The following GRM7 variants were observed in gnomAD, a reference collection of about 807,000 sequenced individuals.
GRM7 encodes the protein metabotropic glutamate receptor 7.
A neutral mutation model predicts 84.5 loss-of-function variants in GRM7; 35 were observed. The observed-to-expected ratio is 0.41, with a 90% confidence interval of 0.32 to 0.55. The LOEUF (loss-of-function observed/expected upper bound fraction) is 0.55. GRM7 is among the 20% of genes least tolerant of loss of function. The probability of loss-of-function intolerance (pLI) is 0.19; values close to 1 mark genes in which losing one functional copy is unlikely to be tolerated. For missense variants in GRM7, 1,003 were observed against 1,194.6 expected, an observed-to-expected ratio of 0.84 and a Z score of 2.36; for synonymous variants, 487 against 455.1, an observed-to-expected ratio of 1.07 and a Z score of -0.89.
At chr3:7,567,354 C>T (rs986942816) in intron 7 of GRM7, among the ~76,000 whole-genome samples, 14 of 152,166 alleles carry the variant, frequency 9.2e-5, no homozygotes, top group Admixed American at 2.0e-4. Context: ...GGGCTTTCCA[C>T]CCAGTGCAGC....
chr3:7,559,796 C>A (rs1693933080), intron 7 of GRM7, among the ~76,000 whole-genome samples: 1 of 151,992 alleles, frequency 6.6e-6, no homozygotes, highest in South Asian at 2.1e-4. Flanking sequence ...TTATTTTCTC[C>A]CAGTTCTGAA....
intron 8 of GRM7, among the ~76,000 whole-genome samples, chr3:7,662,899 T>C (rs1210998912): frequency 1.3e-5 from 2 of 152,210 alleles, no homozygotes. Flanking sequence ...TTTCAATTCA[T>C]AGTCATAGGA....
intron 1 of GRM7, among the ~76,000 whole-genome samples, chr3:6,953,065 C>G (rs1692857289): frequency 1.3e-5 from 2 of 152,160 alleles, no homozygotes; most frequent in Non-Finnish European, 2.9e-5. Flanking sequence ...ATTTTAGTGA[C>G]TGAACGTGAA....
At chr3:7,192,730 C>A (rs182492027) in intron 2 of GRM7, among the ~76,000 whole-genome samples, 2 of 152,182 alleles carry the variant, frequency 1.3e-5, no homozygotes, top group African/African-American at 4.8e-5. Flanking sequence ...TTAGAATATT[C>A]TTTTATTTCT....
At chr3:7,500,723 G>A (rs1291118065) in intron 7 of GRM7, among the ~76,000 whole-genome samples, 2 of 152,216 alleles carry the variant, frequency 1.3e-5, no homozygotes, top group African/African-American at 4.8e-5. Flanking sequence ...CATGAGTTGA[G>A]CCACATGACT....
chr3:7,080,460 A>G (rs773816521), intron 1 of GRM7, among the ~76,000 whole-genome samples: 6 of 152,052 alleles, frequency 3.9e-5, no homozygotes, highest in Non-Finnish European at 8.8e-5. Flanking sequence ...CTGAGCTTCA[A>G]AGTGATAGGA....
intron 2 of GRM7, among the ~76,000 whole-genome samples, chr3:7,291,776 TG>T (rs1699637341): frequency 6.6e-6 from 1 of 152,126 alleles, no homozygotes; most frequent in Non-Finnish European, 1.5e-5. Flanking sequence ...TCAGCAAAGA[TG>T]GGAGAGGGAA....
At chr3:7,437,396 A>C (rs1697101809) in intron 5 of GRM7, among the ~76,000 whole-genome samples, 1 of 152,134 alleles carries the variant, frequency 6.6e-6, no homozygotes. Context: ...CTAACTCATA[A>C]ATCAGTTATT....
At chr3:7,289,495 A>G (rs529573002) in intron 2 of GRM7, among the ~76,000 whole-genome samples, 40 of 152,188 alleles carry the variant, frequency 2.6e-4, no homozygotes, top group Admixed American at 1.3e-4. Context: ...TGACCCAGCC[A>G]TCCCATTACT....
intron 7 of GRM7, among the ~76,000 whole-genome samples, chr3:7,475,664 A>G (rs1322283206): frequency 2.0e-5 from 3 of 152,190 alleles, no homozygotes; most frequent in African/African-American, 7.2e-5. Flanking sequence ...AGGAGGCTTG[A>G]GCAGAAGACT....
chr3:7,089,824 C>T (rs1334623956), intron 1 of GRM7, among the ~76,000 whole-genome samples: 2 of 152,086 alleles, frequency 1.3e-5, no homozygotes, highest in South Asian at 2.1e-4. Context: ...GAGAGGATCA[C>T]ATTAAATGAT....
intron 1 of GRM7, among the ~76,000 whole-genome samples, chr3:7,097,352 A>G (rs1421327686): frequency 6.6e-6 from 1 of 152,176 alleles, no homozygotes; most frequent in Non-Finnish European, 1.5e-5. Context: ...AATATGAGCC[A>G]ATGGATACTA....
chr3:7,643,625 T>C (rs1483905813), intron 8 of GRM7, among the ~76,000 whole-genome samples: 1 of 152,190 alleles, frequency 6.6e-6, no homozygotes, highest in Non-Finnish European at 1.5e-5. Context: ...TTTTGTTTCT[T>C]TTAAATGTCA....
rs186012108 is a variant in GRM7 at position 7,644,072 on chromosome 3, A to G, written c.2452-35977A>G. 1.6e-3 allele frequency among the ~76,000 whole-genome samples: 232 copies of G among 142,416 alleles called. 7 individuals are homozygous for G. Among genetic ancestry groups the G allele is most frequent in the African/African-American group, 6.0e-3 (227 of 38,014 alleles). 93.4% of individuals were successfully genotyped at this position (142,416 alleles called of 152,430 possible). On this transcript the variant is annotated intron_variant, in intron 8 of 9. Transcript: ENST00000357716. ...TATGTATATATTTTTATATATACTT[A>G]TATATTTACCTTGTCATTTATCTGC...
At chr3:7,384,781 C>T (rs1017064364) in intron 4 of GRM7, among the ~76,000 whole-genome samples, 13 of 152,142 alleles carry the variant, frequency 8.5e-5, no homozygotes, top group African/African-American at 3.1e-4. Flanking sequence ...CAGTTTAGCT[C>T]TACCTGGCTA....
At chr3:7,611,394 T>G (rs1029839377) in intron 8 of GRM7, among the ~76,000 whole-genome samples, 1 of 152,180 alleles carries the variant, frequency 6.6e-6, no homozygotes, top group African/African-American at 2.4e-5. Context: ...AGACTCCTTA[T>G]GAAACAAGAA....
chr3:7,063,798 C>G (rs1471860962), intron 1 of GRM7, among the ~76,000 whole-genome samples: 1 of 151,670 alleles, frequency 6.6e-6, no homozygotes. Context: ...TATTAACTTG[C>G]CCTTTTCTCC....
chr3:7,109,527 C>T (rs1042272663), intron 1 of GRM7, among the ~76,000 whole-genome samples: 1 of 152,110 alleles, frequency 6.6e-6, no homozygotes, highest in African/African-American at 2.4e-5. Flanking sequence ...GAAAAGTAAT[C>T]ATTGCCAGTA....
At chr3:6,940,984 G>A (rs1697872446) in intron 1 of GRM7, among the ~76,000 whole-genome samples, 1 of 152,168 alleles carries the variant, frequency 6.6e-6, no homozygotes, top group African/African-American at 2.4e-5. Flanking sequence ...GTAAACCCAT[G>A]GGTGGAGATG....
Sources: allele counts gnomAD v4.1 joint callset (sites outside exome capture counted in the v4.1 genomes callset), GRCh38; gene constraint gnomAD v4.1.1; transcripts MANE v1.5; gene names NCBI Gene and HGNC (gene_info 2026-07-23, HGNC 2026-07-21).